The following NOTCH2NLR variants were observed in gnomAD, a reference collection of about 807,000 sequenced individuals.
The protein encoded by NOTCH2NLR is notch 2 N-terminal like R (pseudogene).
NOTCH2NLR carries 33 observed loss-of-function variants against 35.6 expected under a neutral mutation model. The ratio of observed to expected loss-of-function variants is 0.93; its 90% CI spans 0.70 to 1.24. NOTCH2NLR has a LOEUF of 1.24. NOTCH2NLR is among the 50% of genes most tolerant of loss of function. The pLI, the probability that NOTCH2NLR is intolerant of heterozygous loss-of-function variation, is 0.00. For missense variants in NOTCH2NLR, 276 were observed against 362.2 expected (o/e 0.76, Z 1.93); for synonymous variants, 103 against 141.0 (o/e 0.73, Z 1.91).
chr1:120,793,691 A>G lies in NOTCH2NLR; in HGVS notation c.752-56A>G, dbSNP rs1274993146. ...TAAACTGAGCAGGGGATAATTTAGC[A>G]TGTCAGGGTTTATGATGATGAGTGG... On this transcript the variant is annotated intron_variant, in intron 4 of 4. Transcript: ENST00000624419. 2.1e-5 allele frequency: 13 copies of G among 622,676 alleles called. 2 individuals are homozygous for G. The highest frequency in any genetic ancestry group is 3.4e-5 in the Non-Finnish European group (12 of 351,400). The allele number at this position is 622,676 out of a possible 1,614,324, so 38.6% of individuals were successfully genotyped here. A position where few individuals can be genotyped will look rare whatever the true frequency, so the allele number is the denominator to read the frequency against.
intron 2 of NOTCH2NLR, among the ~76,000 whole-genome samples, chr1:120,767,594 T>G (rs1210242662): frequency 5.5e-5 from 4 of 72,760 alleles, no homozygotes; most frequent in Non-Finnish European, 9.4e-5. Flanking sequence ...AAAACTCAAT[T>G]ATTGCTGTTA....
chr1:120,781,810 G>A lies in NOTCH2NLR; in HGVS notation c.156-3164G>A, dbSNP rs1465424058. 2.2e-4 allele frequency among the ~76,000 whole-genome samples: 26 copies of A among 116,746 alleles called. 6 individuals carry two copies. Among genetic ancestry groups the A allele is most frequent in the African/African-American group, 1.2e-3 (25 of 21,132 alleles). 76.6% of individuals were successfully genotyped at this position (116,746 alleles called of 152,430 possible). A position where few individuals can be genotyped will look rare whatever the true frequency, so the allele number is the denominator to read the frequency against. ...CCTGACCTGGTGATCTGCCTGCCTC[G>A]GCCTCCCAAAGTGCTGAGATTACTG... On this transcript the variant is annotated intron_variant, in intron 2 of 4. Coordinates refer to ENST00000624419, the Ensembl canonical transcript of NOTCH2NLR.
At chr1:120,787,677 AT>A (rs1204820911) in intron 3 of NOTCH2NLR, among the ~76,000 whole-genome samples, 3 of 34,170 alleles carry the variant, frequency 8.8e-5, no homozygotes, top group African/African-American at 3.7e-4. Flanking sequence ...TAATTAGGTC[AT>A]AATTACACCT....
chr1:120,759,708 T>G (rs1651113069), intron 1 of NOTCH2NLR, among the ~76,000 whole-genome samples: 1 of 112,476 alleles, frequency 8.9e-6, no homozygotes, highest in South Asian at 2.5e-4. Flanking sequence ...TTTTTAAAAA[T>G]TAGAATTGTC....
At chr1:120,770,428 C>G (rs1428069248) in intron 2 of NOTCH2NLR, among the ~76,000 whole-genome samples, 1 of 112,074 alleles carries the variant, frequency 8.9e-6, no homozygotes, top group African/African-American at 5.8e-5. Flanking sequence ...CTCGGCCTCC[C>G]AAAGTGCTGG....
chr1:120,747,481 G>A lies in NOTCH2NLR; in HGVS notation c.74-16147G>A. The stretch of plus-strand genomic sequence containing the variant: ...ATGTATCCTACTTTATGAAATCTGG[G>A]GGTAAAGCAGGACCCTTCAAACCCT... On this transcript the variant is annotated intron_variant, in intron 1 of 4. Coordinates refer to ENST00000624419, the Ensembl canonical transcript of NOTCH2NLR. Among the ~76,000 whole-genome samples, 2 of 29,256 alleles carry A rather than the reference G, an allele frequency of 6.8e-5. 1 individual carries two copies. The highest frequency in any genetic ancestry group is 1.2e-4 in the Non-Finnish European group (2 of 16,582). The allele number at this position is 29,256 out of a possible 152,430, so 19.2% of individuals were successfully genotyped here. A position where few individuals can be genotyped will look rare whatever the true frequency, so the allele number is the denominator to read the frequency against.
chr1:120,728,726 A>T (rs1425688472), intron 1 of NOTCH2NLR, among the ~76,000 whole-genome samples: 1 of 114,152 alleles, frequency 8.8e-6, no homozygotes, highest in Admixed American at 8.4e-5. Context: ...TATTTTGATA[A>T]TTTTTTTGAG....
intron 1 of NOTCH2NLR, among the ~76,000 whole-genome samples, chr1:120,730,075 CTGTT>C (rs1454065863): frequency 1.1e-5 from 1 of 94,316 alleles, no homozygotes; most frequent in Non-Finnish European, 1.9e-5. Flanking sequence ...TTTCGGACTT[CTGTT>C]TGTGTTGTAT....
chr1:120,793,596 AG>A (rs1297716309), intron 4 of NOTCH2NLR, 100 bp downstream of exon 4: 1 of 907,228 alleles, frequency 1.1e-6, no homozygotes, highest in Non-Finnish European at 1.6e-6. Flanking sequence ...GCAAGGAAAA[AG>A]GGAAGTGAGA....
At position 120,785,121 on chromosome 1, in the gene NOTCH2NLR, C is replaced by G. The variant is rs1413225798; in HGVS notation, c.303C>G (p.Cys101Trp). The stretch of plus-strand genomic sequence containing the variant: ...CCTCAGGGTTTACAGGAGAGGACTG[C>G]CAGTACTCGACACCTCATCCATGCT... Residue 101 changes from cysteine to tryptophan, a missense_variant, in exon 3 of 5, where the codon TGC (cysteine) becomes TGG (tryptophan). By Grantham distance (215) the Cys-to-Trp change is radical. Coordinates refer to ENST00000624419, the Ensembl canonical transcript of NOTCH2NLR. 13 of 1,446,234 alleles carry G rather than the reference C, an allele frequency of 9.0e-6. 2 individuals are homozygous for G. Among genetic ancestry groups the G allele is most frequent in the South Asian group, 3.6e-5 (3 of 83,170 alleles). The allele number at this position is 1,446,234 out of a possible 1,614,324, so 89.6% of individuals were successfully genotyped here.
Position 120,793,731 on chromosome 1 carries a change from A to G in NOTCH2NLR, c.752-16A>G, listed in dbSNP as rs1651522070. On this transcript the variant is annotated splice_polypyrimidine_tract_variant and intron_variant, in intron 4 of 4. Transcript: ENST00000624419. ...ATGATGAGTGGCTAGAAAATTGTTT[A>G]TTGTCCCTTTTGTAGAAACAGTGAG... 2.9e-6 allele frequency: 2 copies of G among 699,538 alleles called. No homozygotes were observed. The highest frequency in any genetic ancestry group is 4.9e-6 in the Non-Finnish European group (2 of 411,164). 43.3% of individuals were successfully genotyped at this position (699,538 alleles called of 1,614,324 possible).
In NOTCH2NLR at chr1:120,793,396, C is replaced by A; in HGVS notation, c.651C>A (p.Tyr217Ter). 2 of 1,439,512 alleles carry A rather than the reference C, an allele frequency of 1.4e-6. 1 individual carries two copies. Among genetic ancestry groups the A allele is most frequent in the East Asian group, 4.7e-5 (2 of 42,740 alleles). 89.2% of individuals were successfully genotyped at this position (1,439,512 alleles called of 1,614,324 possible). The change falls in exon 4 of 5, where the codon TAC becomes TAA. Residue 217 changes from tyrosine (Y) to a stop codon, truncating the protein, a stop_gained. Coordinates refer to ENST00000624419, the Ensembl canonical transcript of NOTCH2NLR. LOFTEE classifies it high-confidence loss of function. ...GCCTTCAGGGCTTCACAGGCCAGTA[C>A]TGTGACAGACTGTATGTGCCCTGTG...
At position 120,788,040 on chromosome 1, in the gene NOTCH2NLR, T is replaced by C. The variant is rs1349076463; in HGVS notation, c.415+2807T>C. On this transcript the variant is annotated intron_variant, in intron 3 of 4. Coordinates refer to ENST00000624419, the Ensembl canonical transcript of NOTCH2NLR. ...GGTTGTGTTTTTTTTTTTTTCCTGA[T>C]GGAGAGGCCCAAACCTTCATTCATC... Among the ~76,000 whole-genome samples, 2 of 74,582 alleles carry C rather than the reference T, an allele frequency of 2.7e-5. 1 individual carries two copies. The highest frequency in any genetic ancestry group is 4.6e-5 in the Non-Finnish European group (2 of 43,096). 48.9% of individuals were successfully genotyped at this position (74,582 alleles called of 152,430 possible). A position where few individuals can be genotyped will look rare whatever the true frequency, so the allele number is the denominator to read the frequency against.
intron 2 of NOTCH2NLR, among the ~76,000 whole-genome samples, chr1:120,781,902 A>T (rs1465011425): frequency 0.086 from 9,675 of 112,050 alleles, 2,232 homozygotes; most frequent in Non-Finnish European, 0.11. Context: ...TTCCTCATAT[A>T]TAAAATGGAG....
chr1:120,790,781 G>T (rs1651484385), intron 3 of NOTCH2NLR, among the ~76,000 whole-genome samples: 1 of 107,254 alleles, frequency 9.3e-6, no homozygotes, highest in South Asian at 2.7e-4. Flanking sequence ...TGTATTTTTA[G>T]AAAAGATGGC....
Position 120,759,269 on chromosome 1 carries a change from T to A in NOTCH2NLR, c.74-4359T>A, listed in dbSNP as rs1191728778. ...TTGAAATCTACTACTTCTTTTTGCT[T>A]TTTTTTTTTTTTTTTTTTTTTGGTG... On this transcript the variant is annotated intron_variant, in intron 1 of 4. Coordinates refer to ENST00000624419, the Ensembl canonical transcript of NOTCH2NLR. 2.8e-4 allele frequency among the ~76,000 whole-genome samples: 15 copies of A among 52,884 alleles called. No homozygotes were observed. In the East Asian group the frequency reaches 5.3e-3, roughly 19 times the overall value. 34.7% of individuals were successfully genotyped at this position (52,884 alleles called of 152,430 possible).
In NOTCH2NLR at chr1:120,765,166, A is replaced by G. The variant is rs1333216739; in HGVS notation, c.155+1457A>G. Among the ~76,000 whole-genome samples, 18 of 117,996 alleles carry G rather than the reference A, an allele frequency of 1.5e-4. 2 individuals are homozygous for G. The highest frequency in any genetic ancestry group is 2.2e-4 in the Non-Finnish European group (13 of 59,288). 77.4% of individuals were successfully genotyped at this position (117,996 alleles called of 152,430 possible). A position where few individuals can be genotyped will look rare whatever the true frequency, so the allele number is the denominator to read the frequency against. On this transcript the variant is annotated intron_variant, in intron 2 of 4. Coordinates refer to ENST00000624419, the Ensembl canonical transcript of NOTCH2NLR. ...CTCATTTAGTTTTTCTAGCTGGGGG[A>G]AAAAAAAAACATGTGGTGCATTCTC...
Position 120,784,721 on chromosome 1 carries a change from C to T in NOTCH2NLR, c.156-253C>T, listed in dbSNP as rs1407648552. Among the ~76,000 whole-genome samples, 31 of 117,830 alleles carry T rather than the reference C, an allele frequency of 2.6e-4. 11 individuals are homozygous for T. The highest frequency in any genetic ancestry group is 1.3e-3 in the African/African-American group (27 of 20,262). The allele number at this position is 117,830 out of a possible 152,430, so 77.3% of individuals were successfully genotyped here. A position where few individuals can be genotyped will look rare whatever the true frequency, so the allele number is the denominator to read the frequency against. On this transcript the variant is annotated intron_variant, in intron 2 of 4. Transcript: ENST00000624419. ...ATCTTTTACTTAGTAATTTTGTTTT[C>T]GTCTTCAGCTATTAGAATGTAAACT...
chr1:120,724,364 G>A, intron 1 of NOTCH2NLR, 114 bp downstream of exon 1: 2 of 1,350,036 alleles, frequency 1.5e-6, no homozygotes, highest in Non-Finnish European at 1.9e-6. Context: ...CCGCCGGCGC[G>A]GAGTGAGGCC....
Sources: gnomAD v4.1 joint callset for allele counts (sites outside exome capture counted in the v4.1 genomes callset) on GRCh38, gnomAD v4.1.1 for gene constraint, MANE v1.5 for transcripts, NCBI Gene and HGNC (gene_info 2026-07-23, HGNC 2026-07-21) for gene names.